The following CCDC12 variants were observed in gnomAD, a reference collection of about 807,000 sequenced individuals.
CCDC12 encodes coiled-coil domain containing 12.
CCDC12 carries 28 observed loss-of-function variants against 25.7 expected under a neutral mutation model. That is an observed-to-expected ratio of 1.09 (90% CI 0.81 to 1.50). The LOEUF (loss-of-function observed/expected upper bound fraction) is 1.50. Ranked by LOEUF, CCDC12 falls within the 40% of genes most tolerant of loss-of-function variation. CCDC12 has a pLI of 0.00. For synonymous variants in CCDC12, 75 were observed against 87.7 expected, an observed-to-expected ratio of 0.86 and a Z score of 0.81; for missense variants, 198 against 210.0, an observed-to-expected ratio of 0.94 and a Z score of 0.35.
At chr3:46,938,076 T>C (rs1412409831) in intron 2 of CCDC12, among the ~76,000 whole-genome samples, 1 of 152,194 alleles carries the variant, frequency 6.6e-6, no homozygotes, top group Non-Finnish European at 1.5e-5. Context: ...GAGGCAAACC[T>C]GTTCCACCAT....
rs1288628295 is a variant in CCDC12, at chr3:46,962,451, A to AAG, written c.96+14185_96+14186insCT. 1.1e-4 allele frequency among the ~76,000 whole-genome samples: 16 copies of AAG among 151,158 alleles called. 1 individual carries two copies. In the East Asian group the frequency reaches 1.2e-3, roughly 11 times the overall value. On this transcript the variant is annotated intron_variant, in intron 1 of 6. Transcript: ENST00000683445. ...CTCTATCTCAAAAAAAAAAAAAAAA[A>AAG]AAAAATTTAATTTTAAGAGCCTGAA...
At chr3:46,976,967 A>AAG, upstream of CCDC12, 3 of 586,108 alleles carry the variant, frequency 5.1e-6, no homozygotes, top group Non-Finnish European at 8.6e-6. Flanking sequence ...CAAAAAAAAA[A>AAG]AAGAAAAAAA....
chr3:46,960,164 C>T (rs1234292984), intron 1 of CCDC12, among the ~76,000 whole-genome samples: 2 of 152,184 alleles, frequency 1.3e-5, no homozygotes, highest in African/African-American at 4.8e-5. Context: ...TCCCACAGGG[C>T]CCCAGCCTGA....
chr3:46,946,939 A>G (rs2033931637), intron 1 of CCDC12, among the ~76,000 whole-genome samples: 2 of 152,202 alleles, frequency 1.3e-5, no homozygotes, highest in South Asian at 2.1e-4. Context: ...CCAGAAGGAA[A>G]TAAGAGAAGC....
chr3:46,944,298 C>T (rs1262047357), intron 1 of CCDC12, among the ~76,000 whole-genome samples: 3 of 152,072 alleles, frequency 2.0e-5, no homozygotes, highest in Non-Finnish European at 4.4e-5. Context: ...GAGAGAGAGG[C>T]TATCAAGAGT....
upstream of CCDC12, chr3:46,979,750 T>C: frequency 3.1e-6 from 1 of 326,728 alleles, no homozygotes; most frequent in Non-Finnish European, 5.6e-6. Context: ...ACCGCGCCGC[T>C]CCGCCCCGGA....
At chr3:46,971,867 G>C (rs1189234578) in intron 1 of CCDC12, among the ~76,000 whole-genome samples, 2 of 152,170 alleles carry the variant, frequency 1.3e-5, no homozygotes, top group Non-Finnish European at 2.9e-5. Flanking sequence ...TGTCACATCA[G>C]AAACCTGAAC....
rs190115453 is a variant in CCDC12, at chr3:46,957,015, T to A, written c.97-15950A>T. On this transcript the variant is annotated intron_variant, in intron 1 of 6. Transcript: ENST00000683445. ...ATGGGCTGCCCAGAGCCCGAGCTCCTCCCTTCACTTACAAAAGCTCCACCT... is the reference window on the plus strand; with the variant it reads ...ATGGGCTGCCCAGAGCCCGAGCTCCACCCTTCACTTACAAAAGCTCCACCT... Among the ~76,000 whole-genome samples, 18 of 152,142 alleles carry A rather than the reference T, an allele frequency of 1.2e-4. No individual in the cohort carries two copies. In the East Asian group the frequency reaches 3.5e-3, roughly 29 times the overall value.
intron 2 of CCDC12, among the ~76,000 whole-genome samples, chr3:46,933,028 C>T (rs2033294013): frequency 6.6e-6 from 1 of 152,236 alleles, no homozygotes; most frequent in Non-Finnish European, 1.5e-5. Flanking sequence ...CCTCAGGGAC[C>T]AGCAACTGCA....
At chr3:46,952,707 A>T (rs769623801) in intron 1 of CCDC12, among the ~76,000 whole-genome samples, 5 of 152,258 alleles carry the variant, frequency 3.3e-5, no homozygotes, top group Admixed American at 6.5e-5. Context: ...TGGTAATAAC[A>T]GTATGCCAGG....
intron 2 of CCDC12, among the ~76,000 whole-genome samples, chr3:46,931,285 AG>A (rs1205429022): frequency 2.6e-5 from 4 of 152,118 alleles, no homozygotes; most frequent in Admixed American, 2.6e-4. Context: ...CTGGCCAGGG[AG>A]GTTCAGGGGA....
chr3:46,967,940 C>A (rs2034688305), intron 1 of CCDC12, among the ~76,000 whole-genome samples: 1 of 152,160 alleles, frequency 6.6e-6, no homozygotes, highest in South Asian at 2.1e-4. Flanking sequence ...ACCAAGACCA[C>A]AATAGGTCTG....
At chr3:46,942,408 A>C (rs1458548116) in intron 1 of CCDC12, among the ~76,000 whole-genome samples, 1 of 152,244 alleles carries the variant, frequency 6.6e-6, no homozygotes, top group Non-Finnish European at 1.5e-5. Flanking sequence ...TCTAAGAGAG[A>C]TCTGTGAGCT....
Position 46,969,375 on chromosome 3 carries a change from C to T in CCDC12, c.96+7262G>A, listed in dbSNP as rs552982803. On this transcript the variant is annotated intron_variant, in intron 1 of 6. Transcript: ENST00000683445. ...TCCCGAATAGCTGGGACTGCAGGAGCGGGCCACCATGCCCGGCTAATTTTG... is the reference window on the plus strand; with the variant it reads ...TCCCGAATAGCTGGGACTGCAGGAGTGGGCCACCATGCCCGGCTAATTTTG... 7.6e-4 allele frequency among the ~76,000 whole-genome samples: 116 copies of T among 152,228 alleles called. No homozygotes were observed. In the South Asian group the frequency reaches 0.017, roughly 22 times the overall value.
At chr3:46,938,041 C>T (rs1038919199) in intron 2 of CCDC12, among the ~76,000 whole-genome samples, 1 of 152,194 alleles carries the variant, frequency 6.6e-6, no homozygotes, top group African/African-American at 2.4e-5. Context: ...AGGACAGCCC[C>T]AAAAGCCAAG....
rs2034996067 is a variant in CCDC12 at position 46,976,476 on chromosome 3, G to C, written c.96+161C>G. On this transcript the variant is annotated intron_variant, in intron 1 of 6. Coordinates refer to ENST00000683445, the MANE Select transcript of CCDC12 (RefSeq NM_001277074.2). ...AGGAGTCCCACGCCAAGCAGCCCCA[G>C]ACATCGTGGGAGGGCGCCGTCTTCT... The C allele has an allele frequency of 4.2e-6, 6 of 1,435,378 alleles. No homozygotes were observed. In the East Asian group the frequency reaches 1.3e-4, roughly 30 times the overall value. 88.9% of individuals were successfully genotyped at this position (1,435,378 alleles called of 1,614,324 possible). A position where few individuals can be genotyped will look rare whatever the true frequency, so the allele number is the denominator to read the frequency against.
intron 2 of CCDC12, among the ~76,000 whole-genome samples, chr3:46,937,716 C>T (rs1432299459): frequency 2.0e-5 from 3 of 152,206 alleles, no homozygotes; most frequent in South Asian, 2.1e-4. Flanking sequence ...GGGATGGACA[C>T]GGCCTCTGCT....
chr3:46,976,260 G>T (rs1390741640), intron 1 of CCDC12: 21 of 1,022,638 alleles, frequency 2.1e-5, no homozygotes, highest in Non-Finnish European at 2.3e-5. Flanking sequence ...AATCGAAGGC[G>T]GGGGTTAAAG....
intron 1 of CCDC12, among the ~76,000 whole-genome samples, chr3:46,947,519 G>A (rs2033953732): frequency 6.6e-6 from 1 of 152,216 alleles, no homozygotes; most frequent in Non-Finnish European, 1.5e-5. Flanking sequence ...CCTGGGACCA[G>A]AAACTGCACA....
Sources: gnomAD v4.1 joint callset for allele counts (sites outside exome capture counted in the v4.1 genomes callset) on GRCh38, gnomAD v4.1.1 for gene constraint, MANE v1.5 for transcripts, NCBI Gene and HGNC (gene_info 2026-07-23, HGNC 2026-07-21) for gene names.